Variants in KCNIP4 observed in about 807,000 individuals in gnomAD.
KCNIP4 encodes the protein potassium voltage-gated channel interacting protein 4.
A neutral mutation model predicts 34.0 loss-of-function variants in KCNIP4; 12 were observed. The ratio of observed to expected loss-of-function variants is 0.35; its 90% CI spans 0.23 to 0.57. The LOEUF is 0.57. Among genes scored for constraint, KCNIP4 ranks in the 20% least tolerant of loss-of-function variants. The pLI is 0.83. For synonymous variants in KCNIP4, 124 were observed against 102.2 expected, an observed-to-expected ratio of 1.21 and a Z score of -1.29; for missense variants, 238 against 311.7, an observed-to-expected ratio of 0.76 and a Z score of 1.78.
intron 1 of KCNIP4, among the ~76,000 whole-genome samples, chr4:21,089,444 A>G (rs1746779784): frequency 1.3e-5 from 2 of 152,208 alleles, no homozygotes; most frequent in Non-Finnish European, 2.9e-5. Flanking sequence ...TTTATAAATT[A>G]TCCAGTCTCA....
intron 1 of KCNIP4, among the ~76,000 whole-genome samples, chr4:21,227,567 C>T (rs368447365): frequency 1.3e-5 from 2 of 152,240 alleles, no homozygotes; most frequent in East Asian, 1.9e-4. Context: ...ATGAGGATTA[C>T]CTCTTGCTGC....
chr4:20,811,514 TGCGC>T (rs746711909), intron 3 of KCNIP4, among the ~76,000 whole-genome samples: 4,165 of 80,652 alleles, frequency 0.052, 104 homozygotes, highest in South Asian at 0.18. Flanking sequence ...TGTGTGTGTG[TGCGC>T]GCGCGCACGC....
chr4:21,295,716 A>C (rs574312564), intron 1 of KCNIP4, among the ~76,000 whole-genome samples: 3 of 152,134 alleles, frequency 2.0e-5, no homozygotes. Context: ...CAACCCTTTG[A>C]TAAATAACAC....
intron 1 of KCNIP4, among the ~76,000 whole-genome samples, chr4:21,827,012 T>A (rs988132980): frequency 1.3e-5 from 2 of 152,080 alleles, no homozygotes; most frequent in Non-Finnish European, 2.9e-5. Context: ...CAAATCTGAA[T>A]AAATGATGTG....
intron 1 of KCNIP4, among the ~76,000 whole-genome samples, chr4:21,286,760 T>C (rs779069002): frequency 9.9e-5 from 15 of 152,180 alleles, no homozygotes; most frequent in Non-Finnish European, 1.5e-4. Context: ...AATTGAGATT[T>C]AGACAAATTA....
rs189987111 is a variant in KCNIP4 at position 20,737,491 on chromosome 4, T to C, written c.430-2756A>G. ...GAGAAGGTGGGGAGGATCCAGAACA[T>C]GGGTAGATGGGCCGATCTGAGAAGG... On this transcript the variant is annotated intron_variant, in intron 5 of 8. Coordinates refer to ENST00000382152, the MANE Select transcript of KCNIP4 (RefSeq NM_025221.6). Among the ~76,000 whole-genome samples the C allele has an allele frequency of 2.3e-3, 354 of 152,020 alleles. 8 individuals are homozygous for C. In the South Asian group the frequency reaches 0.047, roughly 20 times the overall value.
intron 1 of KCNIP4, among the ~76,000 whole-genome samples, chr4:21,924,985 T>G (rs1047576834): frequency 6.6e-6 from 1 of 152,170 alleles, no homozygotes; most frequent in African/African-American, 2.4e-5. Context: ...TAATCTCTCT[T>G]GCATCACCTC....
chr4:21,307,676 G>A (rs948032906), intron 1 of KCNIP4, among the ~76,000 whole-genome samples: 1 of 152,154 alleles, frequency 6.6e-6, no homozygotes, highest in Non-Finnish European at 1.5e-5. Context: ...AAAGCTACCT[G>A]CTCTCTCACT....
chr4:21,652,229 T>C (rs1477711226), intron 1 of KCNIP4, among the ~76,000 whole-genome samples: 2 of 152,212 alleles, frequency 1.3e-5, no homozygotes, highest in Non-Finnish European at 2.9e-5. Flanking sequence ...ATCCTTGTAG[T>C]ATAAGTTTTC....
intron 1 of KCNIP4, among the ~76,000 whole-genome samples, chr4:21,765,436 C>T (rs1254779676): frequency 1.3e-5 from 2 of 151,890 alleles, no homozygotes; most frequent in Non-Finnish European, 2.9e-5. Flanking sequence ...GTCCATGTTG[C>T]TTAACAAAAA....
chr4:21,836,378 A>G (rs1366240946), intron 1 of KCNIP4, among the ~76,000 whole-genome samples: 3 of 152,172 alleles, frequency 2.0e-5, no homozygotes, highest in African/African-American at 7.2e-5. Context: ...CCTCTCCACT[A>G]TCTGTGATTG....
intron 1 of KCNIP4, among the ~76,000 whole-genome samples, chr4:21,068,712 T>C (rs1247304994): frequency 6.6e-6 from 1 of 152,228 alleles, no homozygotes; most frequent in Non-Finnish European, 1.5e-5. Context: ...TCATCAACTT[T>C]TATCATGTCA....
chr4:20,781,460 G>C (rs1443048766), intron 3 of KCNIP4, among the ~76,000 whole-genome samples: 1 of 152,122 alleles, frequency 6.6e-6, no homozygotes, highest in Non-Finnish European at 1.5e-5. Flanking sequence ...ACCCAAGACT[G>C]GGAAGAAAAA....
At chr4:21,235,305 G>A (rs934988756) in intron 1 of KCNIP4, among the ~76,000 whole-genome samples, 6 of 152,150 alleles carry the variant, frequency 3.9e-5, no homozygotes, top group African/African-American at 1.4e-4. Context: ...TAAGGCTCCT[G>A]TGCTGATGGG....
chr4:21,306,807 T>C (rs1388201622), intron 1 of KCNIP4, among the ~76,000 whole-genome samples: 2 of 151,780 alleles, frequency 1.3e-5, no homozygotes, highest in Non-Finnish European at 2.9e-5. Flanking sequence ...CTGAGAAACA[T>C]ATGTAGGCAG....
At chr4:21,091,098 G>A (rs984937100) in intron 1 of KCNIP4, among the ~76,000 whole-genome samples, 2 of 152,156 alleles carry the variant, frequency 1.3e-5, no homozygotes. Flanking sequence ...AATCAGGGAA[G>A]TCACTATTTC....
intron 3 of KCNIP4, among the ~76,000 whole-genome samples, chr4:20,785,301 T>TA (rs892837087): frequency 7.8e-4 from 118 of 151,134 alleles, no homozygotes; most frequent in African/African-American, 2.7e-3. Flanking sequence ...AGCACTTCCC[T>TA]ACTTGCTTTT....
intron 1 of KCNIP4, among the ~76,000 whole-genome samples, chr4:21,870,383 TC>T (rs1287739275): frequency 6.6e-6 from 1 of 152,118 alleles, no homozygotes; most frequent in Non-Finnish European, 1.5e-5. Context: ...TTCTCTAGGG[TC>T]CCGTATGCAC....
chr4:20,876,823 C>T (rs1032568376), intron 2 of KCNIP4, among the ~76,000 whole-genome samples: 11 of 152,134 alleles, frequency 7.2e-5, no homozygotes, highest in South Asian at 2.1e-4. Flanking sequence ...CCACCCACCT[C>T]GGCCTCCCAA....
Sources: allele counts gnomAD v4.1 joint callset (sites outside exome capture counted in the v4.1 genomes callset), GRCh38; gene constraint gnomAD v4.1.1; transcripts MANE v1.5; gene names NCBI Gene and HGNC (gene_info 2026-07-23, HGNC 2026-07-21).